The following CYP2C18 variants were observed in gnomAD, a reference collection of about 807,000 sequenced individuals.
The protein encoded by CYP2C18 is cytochrome P450 family 2 subfamily C member 18, also known as cytochrome P450 2C18.
A neutral mutation model predicts 41.3 loss-of-function variants in CYP2C18; 38 were observed. The observed-to-expected ratio is 0.92, with a 90% confidence interval of 0.71 to 1.21. CYP2C18 has a LOEUF of 1.21. Among genes scored for constraint, CYP2C18 ranks in the 50% most tolerant of loss-of-function variants. The probability of loss-of-function intolerance (pLI) is 0.00; values close to 1 mark genes in which losing one functional copy is unlikely to be tolerated. For missense variants in CYP2C18, 635 were observed against 591.4 expected (o/e 1.07, Z -0.77); for synonymous variants, 236 against 210.0 (o/e 1.12, Z -1.07).
At chr10:94,708,631 A>C (rs1847383573) in intron 5 of CYP2C18, among the ~76,000 whole-genome samples, 1 of 152,184 alleles carries the variant, frequency 6.6e-6, no homozygotes, top group Admixed American at 6.5e-5. Flanking sequence ...TTTTAAATAC[A>C]ATTCAACAGT....
chr10:94,720,357 C>G, intron 5 of CYP2C18, 39 bp from the exon 6 acceptor site: 2 of 1,528,200 alleles, frequency 1.3e-6, no homozygotes, highest in East Asian at 2.4e-5. Context: ...AATATGCTGG[C>G]AAACTACCAA....
chr10:94,704,577 G>A (rs1385772326), intron 4 of CYP2C18, among the ~76,000 whole-genome samples: 1 of 152,030 alleles, frequency 6.6e-6, no homozygotes, highest in African/African-American at 2.4e-5. Flanking sequence ...AAGGAAGAAA[G>A]GAAGGAAGGA....
At chr10:94,686,310 A>G (rs928587345) in intron 1 of CYP2C18, among the ~76,000 whole-genome samples, 6 of 152,144 alleles carry the variant, frequency 3.9e-5, no homozygotes, top group African/African-American at 7.2e-5. Flanking sequence ...GATTTTCTAC[A>G]TATAAGATTA....
At chr10:94,693,031 G>A (rs1847039002) in intron 3 of CYP2C18, among the ~76,000 whole-genome samples, 1 of 151,912 alleles carries the variant, frequency 6.6e-6, no homozygotes, top group Non-Finnish European at 1.5e-5. Flanking sequence ...GGGAAGGGGG[G>A]AGGGATAGCA....
intron 4 of CYP2C18, among the ~76,000 whole-genome samples, chr10:94,696,857 A>T (rs942716258): frequency 4.6e-5 from 7 of 152,198 alleles, no homozygotes; most frequent in African/African-American, 1.7e-4. Context: ...AGCCGATTTG[A>T]TCAACTGGAA....
chr10:94,692,830 A>G (rs1039077819), intron 3 of CYP2C18, among the ~76,000 whole-genome samples: 1 of 152,214 alleles, frequency 6.6e-6, no homozygotes, highest in Admixed American at 6.5e-5. Context: ...ACCATGGAAT[A>G]CTATGCAGCC....
chr10:94,715,080 C>G (rs1416731052), intron 5 of CYP2C18, among the ~76,000 whole-genome samples: 1 of 152,148 alleles, frequency 6.6e-6, no homozygotes, highest in Non-Finnish European at 1.5e-5. Context: ...AGATTTTGGG[C>G]TGAGGCAATG....
intron 3 of CYP2C18, among the ~76,000 whole-genome samples, chr10:94,691,341 A>G (rs1387163810): frequency 1.3e-5 from 2 of 152,188 alleles, no homozygotes; most frequent in African/African-American, 4.8e-5. Context: ...GATACAAAAT[A>G]AATGTGCAAA....
intron 3 of CYP2C18, 99 bp from the exon 4 acceptor site, chr10:94,694,818 A>G: frequency 7.7e-7 from 1 of 1,298,126 alleles, no homozygotes; most frequent in Non-Finnish European, 1.1e-6. Flanking sequence ...CTAGGTAGGT[A>G]TTGGTTTAGA....
At chr10:94,706,390 A>T (rs3818504) in intron 4 of CYP2C18, among the ~76,000 whole-genome samples, 25,376 of 152,034 alleles carry the variant, frequency 0.17, 2,321 homozygotes, top group South Asian at 0.33. Flanking sequence ...AATAGCAGGG[A>T]ATGGCTTTGT....
chr10:94,710,317 C>T (rs1225812342), intron 5 of CYP2C18, among the ~76,000 whole-genome samples: 1 of 152,130 alleles, frequency 6.6e-6, no homozygotes, highest in Non-Finnish European at 1.5e-5. Context: ...GTCAGTTCTC[C>T]AGTTTTGTTC....
intron 7 of CYP2C18, 21 bp downstream of exon 7, chr10:94,724,554 C>G: frequency 6.2e-7 from 1 of 1,604,008 alleles, no homozygotes; most frequent in Non-Finnish European, 8.5e-7. Flanking sequence ...TTCTCCTACA[C>G]TACATCTCCA....
At chr10:94,729,767 G>A (rs375924814) in intron 7 of CYP2C18, among the ~76,000 whole-genome samples, 7 of 152,060 alleles carry the variant, frequency 4.6e-5, no homozygotes, top group Admixed American at 1.3e-4. Context: ...CAGGGGCTGC[G>A]TGGGAAAAAT....
At chr10:94,734,802 TA>T (rs1163857930) in intron 8 of CYP2C18, among the ~76,000 whole-genome samples, 1 of 152,124 alleles carries the variant, frequency 6.6e-6, no homozygotes, top group African/African-American at 2.4e-5. Context: ...TTTAAAGTTG[TA>T]AAATGAGAGA....
rs183008036 is a variant in CYP2C18, at chr10:94,714,871, T to C, written c.820-5525T>C. 1.6e-4 allele frequency among the ~76,000 whole-genome samples: 25 copies of C among 152,328 alleles called. 1 individual carries two copies. The highest frequency in any genetic ancestry group is 2.8e-4 in the Non-Finnish European group (19 of 68,028). The stretch of plus-strand genomic sequence containing the variant: ...TATTTCATTGAGCAGTGGTTTGTAG[T>C]TCTTCTTGAAGAGGTCCTTCATATC... On this transcript the variant is annotated intron_variant, in intron 5 of 8. Transcript: ENST00000285979.
intron 5 of CYP2C18, among the ~76,000 whole-genome samples, chr10:94,715,375 A>G (rs1847520237): frequency 6.6e-6 from 1 of 152,128 alleles, no homozygotes; most frequent in Non-Finnish European, 1.5e-5. Context: ...ATTTATTGAG[A>G]GTTTTTAGCA....
At chr10:94,726,793 G>C (rs1242293436) in intron 7 of CYP2C18, among the ~76,000 whole-genome samples, 2 of 152,118 alleles carry the variant, frequency 1.3e-5, no homozygotes, top group Non-Finnish European at 2.9e-5. Flanking sequence ...TGTTTATTGA[G>C]ACTTTTTAGT....
chr10:94,724,336 G>T lies in CYP2C18; in HGVS notation c.962-10G>T, dbSNP rs1457221472. ...TCCTTTTCCATCATTTCTTACTTGT[G>T]TCTTATCAGCTAAAGTCCAGGAAGA... On this transcript the variant is annotated splice_polypyrimidine_tract_variant and intron_variant, in intron 6 of 8. Coordinates refer to ENST00000285979, the MANE Select transcript of CYP2C18 (RefSeq NM_000772.3). 1 of 1,612,664 alleles carries T rather than the reference G, an allele frequency of 6.2e-7. No individual in the cohort carries two copies. Among genetic ancestry groups the T allele is most frequent in the Non-Finnish European group, 8.5e-7 (1 of 1,179,240 alleles).
chr10:94,734,339 C>T (rs946369134), intron 8 of CYP2C18, among the ~76,000 whole-genome samples: 1 of 152,018 alleles, frequency 6.6e-6, no homozygotes, highest in Non-Finnish European at 1.5e-5. Context: ...GCTTTTGATC[C>T]CTGCTTTGGA....
Sources: gnomAD v4.1 joint callset for allele counts (sites outside exome capture counted in the v4.1 genomes callset) on GRCh38, gnomAD v4.1.1 for gene constraint, MANE v1.5 for transcripts, NCBI Gene and HGNC (gene_info 2026-07-23, HGNC 2026-07-21) for gene names.